The following TXNRD1 variants were observed in gnomAD, a reference collection of about 807,000 sequenced individuals.
The protein encoded by TXNRD1 is thioredoxin reductase 1.
In TXNRD1, 57 loss-of-function variants were observed where a neutral mutation model predicts 80.3. That is an observed-to-expected ratio of 0.71 (90% CI 0.57 to 0.89). The LOEUF (loss-of-function observed/expected upper bound fraction) is 0.89, where lower values mean the gene tolerates loss of function less well. Ranked by LOEUF, TXNRD1 falls within the 40% of genes least tolerant of loss-of-function variation. The pLI is 0.00. For synonymous variants in TXNRD1, 291 were observed against 285.2 expected (o/e 1.02, Z -0.20); for missense variants, 730 against 803.0 (o/e 0.91, Z 1.10).
intron 12 of TXNRD1, among the ~76,000 whole-genome samples, chr12:104,326,964 T>A (rs539839620): frequency 6.6e-5 from 10 of 152,222 alleles, no homozygotes; most frequent in African/African-American, 2.2e-4. Flanking sequence ...GCCTCCCTGG[T>A]AGCTGGATTA....
rs2033995445 is a variant in TXNRD1, at chr12:104,287,140, A to G, written c.305-1791A>G. 4.6e-6 allele frequency: 7 copies of G among 1,525,982 alleles called. No individual in the cohort carries two copies. The Admixed American group carries it at 1.1e-4, about 23-fold the overall frequency. The allele number at this position is 1,525,982 out of a possible 1,614,324, so 94.5% of individuals were successfully genotyped here. A position where few individuals can be genotyped will look rare whatever the true frequency, so the allele number is the denominator to read the frequency against. On this transcript the variant is annotated intron_variant, in intron 3 of 16. Coordinates refer to ENST00000525566, the MANE Select transcript of TXNRD1 (RefSeq NM_001093771.3). ...CTCTGCGTCGGGTGAAACCAGACAA[A>G]GCCGCGAGCCCAGGGATGGGAGCAC...
intron 4 of TXNRD1, chr12:104,304,018 G>T: frequency 6.2e-7 from 1 of 1,612,320 alleles, no homozygotes. Context: ...CAAAGCTCCT[G>T]GAGCTCACCG....
At chr12:104,327,436 C>A in intron 12 of TXNRD1, 79 bp from the exon 13 acceptor site, 1 of 1,447,036 alleles carries the variant, frequency 6.9e-7, no homozygotes, top group Non-Finnish European at 9.3e-7. Context: ...TTTTGGGCTT[C>A]CCTGAAAAAA....
chr12:104,305,081 T>G, intron 4 of TXNRD1: 3 of 835,672 alleles, frequency 3.6e-6, no homozygotes, highest in Non-Finnish European at 1.7e-6. Context: ...GTGCAGCATA[T>G]TTTTCTTAGT....
At chr12:104,302,233 A>C (rs1269021493) in intron 4 of TXNRD1, among the ~76,000 whole-genome samples, 1 of 152,200 alleles carries the variant, frequency 6.6e-6, no homozygotes, top group Non-Finnish European at 1.5e-5. Context: ...GAGTAACTTA[A>C]TACTACTAGA....
intron 3 of TXNRD1, chr12:104,265,166 C>T (rs994820137): frequency 1.4e-6 from 1 of 739,770 alleles, no homozygotes; most frequent in Non-Finnish European, 2.2e-6. Flanking sequence ...GCAGGAGAAT[C>T]GCTTGAACCC....
intron 4 of TXNRD1, among the ~76,000 whole-genome samples, chr12:104,305,907 CTT>C (rs908762425): frequency 1.3e-5 from 2 of 151,578 alleles, no homozygotes; most frequent in Non-Finnish European, 2.9e-5. Flanking sequence ...GCATTTCTAT[CTT>C]TTTTTTTCCC....
chr12:104,323,406 T>A (rs1228708455), intron 10 of TXNRD1, among the ~76,000 whole-genome samples: 1 of 145,130 alleles, frequency 6.9e-6, no homozygotes, highest in East Asian at 2.1e-4. Context: ...GGCGGGGGGC[T>A]GACCCCCCAC....
At chr12:104,329,041 TTG>T (rs1244345441) in intron 13 of TXNRD1, among the ~76,000 whole-genome samples, 5 of 152,152 alleles carry the variant, frequency 3.3e-5, no homozygotes, top group African/African-American at 1.2e-4. Flanking sequence ...CTAGCAAAAT[TTG>T]TGACCTGGGG....
chr12:104,288,002 G>GT lies in TXNRD1; in HGVS notation c.305-923dup, dbSNP rs2034033526. Reference sequence around the variant, plus strand: ...TTTTGTTGGTTTTTTTTGTTTGTTTGTTTTTTGAGACGGAGTCTCATTCTG... The same window carrying GT: ...TTTTGTTGGTTTTTTTTGTTTGTTTGTTTTTTTGAGACGGAGTCTCATTCTG... On this transcript the variant is annotated intron_variant, in intron 3 of 16. Transcript: ENST00000525566. Among the ~76,000 whole-genome samples the GT allele has an allele frequency of 2.6e-5, 4 of 152,066 alleles. No homozygotes were observed. The South Asian group carries it at 6.2e-4, about 24-fold the overall frequency.
At chr12:104,335,262 C>T (rs1314063316) in intron 15 of TXNRD1, among the ~76,000 whole-genome samples, 3 of 142,998 alleles carry the variant, frequency 2.1e-5, no homozygotes, top group African/African-American at 7.9e-5. Context: ...AGTGCAGTGG[C>T]GTGATCTTGG....
intron 1 of TXNRD1, among the ~76,000 whole-genome samples, chr12:104,243,764 T>G (rs970515346): frequency 6.6e-6 from 1 of 152,230 alleles, no homozygotes. Context: ...ATTTTTATCA[T>G]CACACTTGAA....
At chr12:104,282,856 GCTGA>G (rs2033906300) in intron 3 of TXNRD1, 1 of 152,280 alleles carries the variant, frequency 6.6e-6, no homozygotes, top group East Asian at 1.9e-4. Flanking sequence ...ACCACACCTG[GCTGA>G]CTTTTATAAT....
intron 16 of TXNRD1, among the ~76,000 whole-genome samples, chr12:104,344,299 T>C (rs1432097695): frequency 3.3e-5 from 5 of 151,880 alleles, no homozygotes; most frequent in African/African-American, 1.2e-4. Context: ...AAGGTCATCA[T>C]GCCAGTATTT....
chr12:104,301,374 G>C (rs976568456), intron 4 of TXNRD1, among the ~76,000 whole-genome samples: 2 of 151,978 alleles, frequency 1.3e-5, no homozygotes, highest in Non-Finnish European at 2.9e-5. Flanking sequence ...GTCTCGCTCT[G>C]TCGCCCAGGC....
At chr12:104,259,490 CT>C (rs574276851) in intron 3 of TXNRD1, among the ~76,000 whole-genome samples, 13,543 of 128,606 alleles carry the variant, frequency 0.11, 931 homozygotes, top group African/African-American at 0.23. Context: ...AGTTTCATTT[CT>C]TTTTTTTTTT....
chr12:104,233,758 G>T (rs2032675397), intron 1 of TXNRD1, among the ~76,000 whole-genome samples: 1 of 152,134 alleles, frequency 6.6e-6, no homozygotes, highest in Non-Finnish European at 1.5e-5. Flanking sequence ...CTGACCTCAG[G>T]TGATCTGCCT....
At chr12:104,306,040 A>C (rs2034902327) in intron 4 of TXNRD1, among the ~76,000 whole-genome samples, 1 of 151,992 alleles carries the variant, frequency 6.6e-6, no homozygotes, top group Non-Finnish European at 1.5e-5. Context: ...AGTAGCCGGG[A>C]TTACAGGTGT....
chr12:104,332,099 A>C (rs1409139156), intron 14 of TXNRD1, among the ~76,000 whole-genome samples: 1 of 152,188 alleles, frequency 6.6e-6, no homozygotes, highest in Non-Finnish European at 1.5e-5. Context: ...AAAAGAAAAA[A>C]TAAAAATTTT....
Sources: allele counts gnomAD v4.1 joint callset (sites outside exome capture counted in the v4.1 genomes callset), GRCh38; gene constraint gnomAD v4.1.1; transcripts MANE v1.5; gene names NCBI Gene and HGNC (gene_info 2026-07-23, HGNC 2026-07-21).